The following OSBPL5 variants were observed in gnomAD, a reference collection of about 807,000 sequenced individuals.
OSBPL5 encodes the protein oxysterol binding protein like 5, also known as oxysterol-binding protein-related protein 5.
A neutral mutation model predicts 111.2 loss-of-function variants in OSBPL5; 71 were observed. The observed-to-expected ratio is 0.64, with a 90% CI of 0.53 to 0.78. The LOEUF is 0.78. Ranked by LOEUF, OSBPL5 falls within the 30% of genes least tolerant of loss-of-function variation. The pLI is 0.00. For missense variants in OSBPL5, 1,210 were observed against 1,189.3 expected (o/e 1.02, Z -0.26); for synonymous variants, 549 against 513.9 (o/e 1.07, Z -0.93).
intron 1 of OSBPL5, among the ~76,000 whole-genome samples, chr11:3,143,005 C>CG (rs1564857121): frequency 9.3e-4 from 72 of 77,174 alleles, no homozygotes; most frequent in Non-Finnish European, 1.5e-3. Flanking sequence ...GAGGCAGGTG[C>CG]AGAGGGGGGC....
At chr11:3,098,407 T>C (rs1857344959) in intron 14 of OSBPL5, among the ~76,000 whole-genome samples, 1 of 150,278 alleles carries the variant, frequency 6.7e-6, no homozygotes, top group Non-Finnish European at 1.5e-5. Flanking sequence ...AAACCTCAGG[T>C]TCAAATAATT....
chr11:3,094,382 GC>G, intron 14 of OSBPL5, 48 bp from the exon 15 acceptor site: 1 of 1,516,710 alleles, frequency 6.6e-7, no homozygotes, highest in Non-Finnish European at 9.1e-7. Context: ...GCCCTGCTGA[GC>G]CCCAGGCCCT....
chr11:3,094,355 G>A lies in OSBPL5; in HGVS notation c.1622-21C>T, dbSNP rs779323022. 6.9e-6 allele frequency: 11 copies of A among 1,603,998 alleles called. No individual in the cohort carries two copies. In the African/African-American group the frequency reaches 1.5e-4, roughly 22 times the overall value. Reference sequence around the variant, plus strand: ...GATTCCTGAAATGCAGCCAGTGTCAGGGGCCAGGCGGCCCCAGCCCTGCTG... The same window carrying A: ...GATTCCTGAAATGCAGCCAGTGTCAAGGGCCAGGCGGCCCCAGCCCTGCTG... On this transcript the variant is annotated intron_variant, in intron 14 of 21. Coordinates refer to ENST00000263650, the MANE Select transcript of OSBPL5 (RefSeq NM_020896.4).
chr11:3,101,282 C>A (rs549467465), intron 13 of OSBPL5, among the ~76,000 whole-genome samples: 4 of 147,828 alleles, frequency 2.7e-5, no homozygotes, highest in African/African-American at 1.0e-4. Context: ...GACTAAGTTT[C>A]ATTTCATTTT....
Position 3,126,048 on chromosome 11 carries a change from T to G in OSBPL5, c.219+425A>C, listed in dbSNP as rs1858610684. On this transcript the variant is annotated intron_variant, in intron 3 of 21. Transcript: ENST00000263650. The surrounding 1 kb of genome is among the most constrained non-coding windows in gnomAD (Gnocchi z 6.5). ...AAGCGTTGGTGAGGATGTGAGGAAC[T>G]GGAGCCCTTGTGCACTGTGGGTGGC... Among the ~76,000 whole-genome samples, 1 of 152,200 alleles carries G rather than the reference T, an allele frequency of 6.6e-6. No homozygotes were observed. The highest frequency in any genetic ancestry group is 1.5e-5 in the Non-Finnish European group (1 of 68,030).
rs1031784294 is a variant in OSBPL5 at position 3,141,261 on chromosome 11, G to C, written c.-21-12092C>G. Among the ~76,000 whole-genome samples, 9 of 152,114 alleles carry C rather than the reference G, an allele frequency of 5.9e-5. No individual in the cohort carries two copies. Among genetic ancestry groups the C allele is most frequent in the African/African-American group, 2.2e-4 (9 of 41,428 alleles). On this transcript the variant is annotated intron_variant, in intron 1 of 21. Transcript: ENST00000263650. The surrounding 1 kb of genome is among the most constrained non-coding windows in gnomAD (Gnocchi z 6.5). The stretch of plus-strand genomic sequence containing the variant: ...TGCCACCGAGTCGTGATTGCTCCTG[G>C]ACAATGCACAGCGTCCTTTGACCAA...
At chr11:3,122,540 C>A in intron 3 of OSBPL5, 112 bp from the exon 4 acceptor site, 2 of 911,046 alleles carry the variant, frequency 2.2e-6, no homozygotes, top group Non-Finnish European at 3.3e-6. Flanking sequence ...GAAGGGCGCT[C>A]CACTCGTTTC....
At chr11:3,147,797 C>T (rs185169973) in intron 1 of OSBPL5, among the ~76,000 whole-genome samples, 7 of 152,312 alleles carry the variant, frequency 4.6e-5, no homozygotes, top group South Asian at 2.1e-4. Context: ...GCATGAAAGG[C>T]GCTGGGGAGG....
intron 13 of OSBPL5, 151 bp downstream of exon 13, chr11:3,101,452 G>C (rs984752238): frequency 2.2e-5 from 16 of 736,212 alleles, no homozygotes; most frequent in Non-Finnish European, 3.3e-5. Flanking sequence ...CCGGGTCTCA[G>C]CACCTGACCA....
At chr11:3,150,662 C>T (rs1425002896) in intron 1 of OSBPL5, among the ~76,000 whole-genome samples, 1 of 152,204 alleles carries the variant, frequency 6.6e-6, no homozygotes, top group Non-Finnish European at 1.5e-5. Context: ...TCCCCGGGGT[C>T]TCCCCCGTGG....
intron 4 of OSBPL5, 99 bp downstream of exon 4, chr11:3,122,249 G>A (rs35881186): frequency 0.077 from 107,329 of 1,397,790 alleles, 4,662 homozygotes; most frequent in Non-Finnish European, 0.087. Flanking sequence ...GGTGCGGTTT[G>A]TCCCCTCCTT....
In OSBPL5 at chr11:3,104,664, G is replaced by A. The variant is rs896448118; in HGVS notation, c.1060-287C>T. Among the ~76,000 whole-genome samples the A allele has an allele frequency of 1.3e-5, 2 of 152,122 alleles. No individual in the cohort carries two copies. The highest frequency in any genetic ancestry group is 4.1e-4 in the South Asian group (2 of 4,832). On this transcript the variant is annotated intron_variant, in intron 9 of 21. Coordinates refer to ENST00000263650, the MANE Select transcript of OSBPL5 (RefSeq NM_020896.4). This position sits in a 1 kb window ranked among gnomAD's most constrained non-coding sequence, Gnocchi z 5.0. ...ATGCCCTGCCCTCCTCAAAGTCCAG[G>A]GTGCAGCCTCCCAACACCTGCTGTT...
Position 3,155,267 on chromosome 11 carries a change from G to A in OSBPL5, c.-22+9949C>T, listed in dbSNP as rs964881372. Among the ~76,000 whole-genome samples the A allele has an allele frequency of 6.6e-5, 10 of 152,180 alleles. No homozygotes were observed. The East Asian group carries it at 9.6e-4, about 15-fold the overall frequency. Reference sequence around the variant, plus strand: ...CAGCACCAGCTTCCTTGGGAAAAAGGGATTTCTCCCTTGACACATCTGGAG... The same window carrying A: ...CAGCACCAGCTTCCTTGGGAAAAAGAGATTTCTCCCTTGACACATCTGGAG... On this transcript the variant is annotated intron_variant, in intron 1 of 21. Coordinates refer to ENST00000263650, the MANE Select transcript of OSBPL5 (RefSeq NM_020896.4).
At chr11:3,138,956 G>C (rs1021993479) in intron 1 of OSBPL5, among the ~76,000 whole-genome samples, 5 of 152,236 alleles carry the variant, frequency 3.3e-5, no homozygotes, top group Admixed American at 1.3e-4. Context: ...GCAAAACAAA[G>C]AGGACGCGGC....
At position 3,089,842 on chromosome 11, in the gene OSBPL5, C is replaced by T; in HGVS notation, c.2501+4G>A. 1 of 1,556,516 alleles carries T rather than the reference C, an allele frequency of 6.4e-7. No homozygotes were observed. Among genetic ancestry groups the T allele is most frequent in the Non-Finnish European group, 8.7e-7 (1 of 1,150,308 alleles). ...TCTGGATGGACACCCTGAGTGTGGC[C>T]CACCTGTGCAGCTCCTGCTGGGCCT... On this transcript the variant is annotated splice_donor_region_variant and intron_variant, in intron 21 of 21. Coordinates refer to ENST00000263650, the MANE Select transcript of OSBPL5 (RefSeq NM_020896.4).
chr11:3,129,015 G>T lies in OSBPL5; in HGVS notation c.134C>A (p.Pro45Gln). The T allele has an allele frequency of 6.3e-7, 1 of 1,575,182 alleles. No individual in the cohort carries two copies. The highest frequency in any genetic ancestry group is 1.2e-5 in the South Asian group (1 of 86,656). The change falls in exon 2 of 22, where the codon CCA (proline) becomes CAA (glutamine). Residue 45 changes from proline (P) to glutamine (Q), a missense_variant and splice_region_variant. Transcript: ENST00000263650. ...SGDNELYPLS[P>Q]GKDMEPNGPS... is the part of the protein sequence containing the mutation. ...CCCTGCCCACGGCCGGCACTTACCT[G>T]GGCTGAGTGGGTAGAGCTCATTGTC...
intron 4 of OSBPL5, 42 bp downstream of exon 4, chr11:3,122,306 C>A: frequency 6.3e-7 from 1 of 1,593,338 alleles, no homozygotes. Context: ...GGCCGTCGGT[C>A]TGACAGTGAC....
In OSBPL5 at chr11:3,112,029, G is replaced by GTA. The variant is rs1857979933; in HGVS notation, c.692-4085_692-4084insTA. ...TGTGTGCGCGCATGTGTGTGCATGTGTGTGTATGTGTGCGCGCATGTGTGT... is the reference window on the plus strand; with the variant it reads ...TGTGTGCGCGCATGTGTGTGCATGTGTATGTGTATGTGTGCGCGCATGTGTGT... On this transcript the variant is annotated intron_variant, in intron 7 of 21. Transcript: ENST00000263650. Among the ~76,000 whole-genome samples the GTA allele has an allele frequency of 6.2e-4, 68 of 108,972 alleles. 1 individual carries two copies. The highest frequency in any genetic ancestry group is 2.6e-3 in the African/African-American group (62 of 23,596). The allele number at this position is 108,972 out of a possible 152,430, so 71.5% of individuals were successfully genotyped here.
intron 7 of OSBPL5, among the ~76,000 whole-genome samples, chr11:3,118,157 G>A (rs1463764676): frequency 6.6e-6 from 1 of 152,160 alleles, no homozygotes; most frequent in Non-Finnish European, 1.5e-5. Flanking sequence ...TTTTTAAAAA[G>A]GGGGGAAATG....
Sources: allele counts gnomAD v4.1 joint callset (sites outside exome capture counted in the v4.1 genomes callset), GRCh38; gene constraint gnomAD v4.1.1; non-coding constraint Gnocchi (gnomAD v3.1); transcripts MANE v1.5; gene names NCBI Gene and HGNC (gene_info 2026-07-23, HGNC 2026-07-21).